The following RBFOX1 variants were observed in gnomAD, a reference collection of about 807,000 sequenced individuals.
The protein encoded by RBFOX1 is RNA binding protein fox-1 homolog 1.
A neutral mutation model predicts 57.7 loss-of-function variants in RBFOX1; 8 were observed. The ratio of observed to expected loss-of-function variants is 0.14; its 90% confidence interval spans 0.08 to 0.25. The LOEUF (loss-of-function observed/expected upper bound fraction) is 0.25. RBFOX1 is among the 10% of genes least tolerant of loss of function. The pLI, the probability that RBFOX1 is intolerant of heterozygous loss-of-function variation, is 1.00. For synonymous variants in RBFOX1, 326 were observed against 222.4 expected, an observed-to-expected ratio of 1.47 and a Z score of -4.15; for missense variants, 611 against 548.5, an observed-to-expected ratio of 1.11 and a Z score of -1.14.
intron 3 of RBFOX1, among the ~76,000 whole-genome samples, chr16:6,987,874 C>G (rs747184679): frequency 6.6e-6 from 1 of 152,148 alleles, no homozygotes; most frequent in East Asian, 1.9e-4. Context: ...AAAGCAGCCA[C>G]ATTTTATCCC....
At chr16:7,118,894 C>T (rs751073151) in intron 4 of RBFOX1, among the ~76,000 whole-genome samples, 71 of 152,108 alleles carry the variant, frequency 4.7e-4, no homozygotes, top group South Asian at 1.7e-3. Flanking sequence ...GATCTCTTAA[C>T]TGTTGTTGTT....
chr16:7,710,785 G>T lies in RBFOX1; in HGVS notation c.*40G>T, dbSNP rs760694211. The T allele has an allele frequency of 6.7e-7, 1 of 1,481,786 alleles. No homozygotes were observed. The highest frequency in any genetic ancestry group is 9.0e-7 in the Non-Finnish European group (1 of 1,106,080). 91.8% of individuals were successfully genotyped at this position (1,481,786 alleles called of 1,614,324 possible). A position where few individuals can be genotyped will look rare whatever the true frequency, so the allele number is the denominator to read the frequency against. Reference sequence around the variant, plus strand: ...AAAACCTTCCAATGTGGGGAGAAAGGAAGCTTTCCGAGGCCTGAGTATTGC... The same window carrying T: ...AAAACCTTCCAATGTGGGGAGAAAGTAAGCTTTCCGAGGCCTGAGTATTGC... On this transcript the variant is annotated 3_prime_UTR_variant, in exon 16 of 16. Transcript: ENST00000550418.
At chr16:5,684,486 TTG>T (rs1368073422) in intron 3 of RBFOX1, among the ~76,000 whole-genome samples, 4 of 146,226 alleles carry the variant, frequency 2.7e-5, no homozygotes, top group African/African-American at 1.1e-4. Context: ...TGACTGTTCC[TTG>T]TGTAGGTTTG....
intron 4 of RBFOX1, among the ~76,000 whole-genome samples, chr16:7,300,604 C>A (rs2096008465): frequency 1.0e-5 from 1 of 95,330 alleles, no homozygotes; most frequent in South Asian, 3.7e-4. Context: ...TATGGCAACT[C>A]TTATAGAAAG....
At chr16:6,188,162 C>T (rs530640931) in intron 1 of RBFOX1, among the ~76,000 whole-genome samples, 1 of 152,044 alleles carries the variant, frequency 6.6e-6, no homozygotes, top group African/African-American at 2.4e-5. Flanking sequence ...TATGTATGCT[C>T]AGTTGGATAA....
chr16:5,731,568 C>T (rs1334978133), intron 3 of RBFOX1, among the ~76,000 whole-genome samples: 1 of 152,118 alleles, frequency 6.6e-6, no homozygotes, highest in Non-Finnish European at 1.5e-5. Context: ...GGCTCTCTTG[C>T]TTCTGAGATT....
At chr16:7,493,098 C>T (rs184235853) in intron 4 of RBFOX1, among the ~76,000 whole-genome samples, 248 of 152,284 alleles carry the variant, frequency 1.6e-3, no homozygotes, top group African/African-American at 5.8e-3. Context: ...AGGCTGGTCT[C>T]AAACTCCTGA....
intron 2 of RBFOX1, among the ~76,000 whole-genome samples, chr16:6,571,879 G>C (rs1452162716): frequency 2.6e-5 from 4 of 151,906 alleles, no homozygotes; most frequent in Admixed American, 2.6e-4. Flanking sequence ...TCTTTTCTTA[G>C]TTTTTACAAC....
At chr16:6,348,481 T>G (rs996182159) in intron 2 of RBFOX1, among the ~76,000 whole-genome samples, 11 of 152,120 alleles carry the variant, frequency 7.2e-5, no homozygotes, top group African/African-American at 2.4e-4. Flanking sequence ...AGATGGTATA[T>G]CAGCCTGTTC....
At chr16:7,488,832 A>T (rs974107718) in intron 4 of RBFOX1, among the ~76,000 whole-genome samples, 6 of 152,172 alleles carry the variant, frequency 3.9e-5, no homozygotes, top group African/African-American at 1.4e-4. Flanking sequence ...CCATCTATAC[A>T]TTCTCACATC....
chr16:6,000,776 G>C (rs2060585063), intron 4 of RBFOX1, among the ~76,000 whole-genome samples: 1 of 144,400 alleles, frequency 6.9e-6, no homozygotes, highest in African/African-American at 2.5e-5. Flanking sequence ...TGGACAGGTA[G>C]ATGGATAGGT....
chr16:6,667,918 C>G (rs967287620), intron 3 of RBFOX1, among the ~76,000 whole-genome samples: 4 of 151,950 alleles, frequency 2.6e-5, no homozygotes, highest in Non-Finnish European at 5.9e-5. Context: ...AAAATAAGTA[C>G]AAGCTGCCTG....
chr16:5,501,601 C>G (rs769971274), intron 2 of RBFOX1, among the ~76,000 whole-genome samples: 3 of 152,104 alleles, frequency 2.0e-5, no homozygotes, highest in Non-Finnish European at 2.9e-5. Context: ...TAAATGAAGG[C>G]AATTATAGCA....
At chr16:6,027,043 A>G (rs1469313676) in intron 1 of RBFOX1, among the ~76,000 whole-genome samples, 1 of 152,226 alleles carries the variant, frequency 6.6e-6, no homozygotes, top group African/African-American at 2.4e-5. Context: ...CACCTTGTTC[A>G]TTGCTAGTTC....
At chr16:5,865,125 A>T (rs1216871524) in intron 3 of RBFOX1, among the ~76,000 whole-genome samples, 1 of 151,076 alleles carries the variant, frequency 6.6e-6, no homozygotes, top group Non-Finnish European at 1.5e-5. Flanking sequence ...TCAGCTGAAA[A>T]CTCTTTTGCC....
chr16:6,561,577 T>A (rs2097179700), intron 2 of RBFOX1, among the ~76,000 whole-genome samples: 1 of 152,210 alleles, frequency 6.6e-6, no homozygotes, highest in South Asian at 2.1e-4. Flanking sequence ...GGCGAGGGGT[T>A]GTCATGTAGA....
At chr16:6,255,123 A>G (rs2097652475) in intron 1 of RBFOX1, among the ~76,000 whole-genome samples, 2 of 152,128 alleles carry the variant, frequency 1.3e-5, no homozygotes, top group South Asian at 4.1e-4. Context: ...AGAGATAAAC[A>G]AGAAAGAAAG....
At chr16:6,819,597 C>G (rs149848287) in intron 3 of RBFOX1, among the ~76,000 whole-genome samples, 102 of 148,570 alleles carry the variant, frequency 6.9e-4, no homozygotes, top group African/African-American at 2.2e-3. Context: ...CCCAGCTACT[C>G]GGGAGGCTGA....
chr16:5,337,406 C>G (rs529818963), intron 1 of RBFOX1, among the ~76,000 whole-genome samples: 1 of 152,258 alleles, frequency 6.6e-6, no homozygotes, highest in Admixed American at 6.5e-5. Context: ...TATATTCAGA[C>G]AAGGTGATTT....
Sources: gnomAD v4.1 joint callset for allele counts (sites outside exome capture counted in the v4.1 genomes callset) on GRCh38, gnomAD v4.1.1 for gene constraint, MANE v1.5 for transcripts, NCBI Gene and HGNC (gene_info 2026-07-23, HGNC 2026-07-21) for gene names.